POTEF: variants seen among roughly 807,000 people sequenced by gnomAD.
The protein encoded by POTEF is ANKRD26-like family C member 1B.
In POTEF, 20 loss-of-function variants were observed where a neutral mutation model predicts 83.2. The ratio of observed to expected loss-of-function variants is 0.24; its 90% confidence interval spans 0.17 to 0.35. The LOEUF (loss-of-function observed/expected upper bound fraction) is 0.35. POTEF is among the 10% of genes least tolerant of loss of function. POTEF has a pLI of 1.00. For synonymous variants in POTEF, 196 were observed against 446.4 expected (o/e 0.44, Z 7.07); for missense variants, 550 against 1,203.2 (o/e 0.46, Z 8.03).
chr2:130,075,406 T>C lies in POTEF; in HGVS notation c.2066A>G (p.Asn689Ser), dbSNP rs1167123196. Reference protein sequence around the residue: ...DIESVKKRNDNLLKALQLNEL... With the variant: ...DIESVKKRNDSLLKALQLNEL... Reference sequence around the variant, plus strand: ...ATTCAATTGTAGAGCCTTTAAAAGATTATCATTCCTTTTTTTCACACTTTC... The same window carrying C: ...ATTCAATTGTAGAGCCTTTAAAAGACTATCATTCCTTTTTTTCACACTTTC... The change falls in exon 17 of 17, where the codon AAT (asparagine) becomes AGT (serine). Residue 689 changes from asparagine to serine, a missense_variant. Physicochemically the swap from Asn to Ser is conservative, Grantham distance 46. Coordinates refer to ENST00000409914, the MANE Select transcript of POTEF (RefSeq NM_001099771.2). 3 of 1,611,516 alleles carry C rather than the reference T, an allele frequency of 1.9e-6. No homozygotes were observed. The highest frequency in any genetic ancestry group is 3.3e-5 in the Admixed American group (2 of 59,946).
chr2:130,125,952 C>G (rs1685081451), intron 2 of POTEF, among the ~76,000 whole-genome samples: 1 of 151,034 alleles, frequency 6.6e-6, no homozygotes, highest in African/African-American at 2.4e-5. Context: ...TCCTTTTTCT[C>G]TTGCAAAGAG....
intron 3 of POTEF, among the ~76,000 whole-genome samples, chr2:130,119,319 G>A (rs1227986203): frequency 1.3e-5 from 2 of 151,622 alleles, no homozygotes; most frequent in Non-Finnish European, 2.9e-5. Context: ...GTCTACCACC[G>A]CACCCGGCTA....
chr2:130,120,629 A>T (rs1684976222), intron 2 of POTEF, 21 bp from the exon 3 acceptor site: 3 of 1,572,058 alleles, frequency 1.9e-6, no homozygotes, highest in Admixed American at 1.7e-5. Flanking sequence ...AGAAAAGTCA[A>T]TCCCAGCCAA....
chr2:130,122,835 A>C (rs1254303603), intron 2 of POTEF, among the ~76,000 whole-genome samples: 2 of 151,860 alleles, frequency 1.3e-5, no homozygotes, highest in African/African-American at 4.9e-5. Flanking sequence ...TTCAGATAAC[A>C]GTTTGTCATT....
At chr2:130,115,924 A>G (rs1684832767) in intron 3 of POTEF, among the ~76,000 whole-genome samples, 1 of 152,180 alleles carries the variant, frequency 6.6e-6, no homozygotes, top group South Asian at 2.1e-4. Flanking sequence ...CTTACAATTC[A>G]TGATTTACTA....
intron 16 of POTEF, among the ~76,000 whole-genome samples, chr2:130,076,700 T>C (rs1423905076): frequency 2.0e-5 from 3 of 147,714 alleles, no homozygotes; most frequent in Non-Finnish European, 4.5e-5. Context: ...ATACATTTCC[T>C]ACTTTCTTAT....
At chr2:130,128,908 G>T (rs1448085611) in intron 1 of POTEF, among the ~76,000 whole-genome samples, 164 bp downstream of exon 1, 2 of 95,848 alleles carry the variant, frequency 2.1e-5, no homozygotes, top group Admixed American at 1.2e-4. Flanking sequence ...GTGTAGCCCC[G>T]GACAGCCAGC....
intron 5 of POTEF, among the ~76,000 whole-genome samples, chr2:130,113,798 T>C (rs1272218780): frequency 6.6e-6 from 1 of 151,636 alleles, no homozygotes; most frequent in African/African-American, 2.4e-5. Context: ...AGCTGAAAGC[T>C]AGTGCAACAG....
intron 2 of POTEF, among the ~76,000 whole-genome samples, chr2:130,125,840 G>A (rs1685078462): frequency 6.6e-6 from 1 of 150,866 alleles, no homozygotes; most frequent in Non-Finnish European, 1.5e-5. Flanking sequence ...CAGGAGGCAG[G>A]GGTTGCAGTG....
intron 2 of POTEF, among the ~76,000 whole-genome samples, chr2:130,126,973 A>G (rs2104714290): frequency 6.6e-6 from 1 of 152,132 alleles, no homozygotes; most frequent in South Asian, 2.1e-4. Context: ...GACACCTTTT[A>G]TCCCCTCCCC....
intron 15 of POTEF, among the ~76,000 whole-genome samples, 179 bp from the exon 16 acceptor site, chr2:130,077,380 G>C (rs1683846588): frequency 6.6e-6 from 1 of 152,256 alleles, no homozygotes; most frequent in African/African-American, 2.4e-5. Flanking sequence ...ACCAGGGACT[G>C]CTTTTGTGGA....
intron 13 of POTEF, among the ~76,000 whole-genome samples, chr2:130,087,654 C>G (rs2443675): frequency 2.6e-5 from 3 of 114,302 alleles, no homozygotes; most frequent in South Asian, 3.0e-4. Flanking sequence ...TTTTTTTTCA[C>G]ATGGAGTCTC....
At chr2:130,110,116 T>G (rs1185261119) in intron 7 of POTEF, among the ~76,000 whole-genome samples, 1 of 151,514 alleles carries the variant, frequency 6.6e-6, no homozygotes, top group Non-Finnish European at 1.5e-5. Flanking sequence ...CTTCCTTGGA[T>G]TTAGTGAACT....
In POTEF at chr2:130,115,073, A is replaced by G. The variant is rs1476115244; in HGVS notation, c.637-19T>C. ...GTACGGCCTGTCAGTATTAGACCAA[A>G]AACAAATTACAAATCTTAGGAATTC... On this transcript the variant is annotated intron_variant, in intron 4 of 16. Transcript: ENST00000409914. The G allele has an allele frequency of 2.0e-6, 3 of 1,492,076 alleles. No individual in the cohort carries two copies. In the South Asian group the frequency reaches 4.1e-5, roughly 20 times the overall value. 92.4% of individuals were successfully genotyped at this position (1,492,076 alleles called of 1,614,324 possible).
Position 130,075,066 on chromosome 2 carries a change from G to A in POTEF, c.2406C>T (p.Pro802=), listed in dbSNP as rs775448822. ...NELRVAPEEH[P]VLLTEATLNP... ...TCAGGGTGGCCTCGGTCAGCAGGAC[G>A]GGGTGCTCCTCGGGAGCCACACGCA... The change falls in exon 17 of 17, where the codon CCC becomes CCT. Residue 802 remains proline (P), a synonymous_variant. Coordinates refer to ENST00000409914, the MANE Select transcript of POTEF (RefSeq NM_001099771.2). 2.2e-5 allele frequency: 35 copies of A among 1,613,698 alleles called. 1 individual carries two copies. The highest frequency in any genetic ancestry group is 6.7e-5 in the African/African-American group (5 of 74,732).
At chr2:130,117,413 TTAAC>T (rs1019403278) in intron 3 of POTEF, among the ~76,000 whole-genome samples, 7 of 151,818 alleles carry the variant, frequency 4.6e-5, no homozygotes, top group African/African-American at 9.7e-5. Flanking sequence ...CTAATGAACT[TTAAC>T]TAAAACTTCA....
chr2:130,117,331 A>C (rs1230647509), intron 3 of POTEF, among the ~76,000 whole-genome samples: 5 of 151,930 alleles, frequency 3.3e-5, no homozygotes, highest in Non-Finnish European at 2.9e-5. Context: ...AAAAATAAAT[A>C]ATAGAATGTG....
rs1249796969 is a variant in POTEF at position 130,073,676 on chromosome 2, A to C, written c.*568T>G. Among the ~76,000 whole-genome samples the C allele has an allele frequency of 7.3e-5, 11 of 151,262 alleles. No homozygotes were observed. The highest frequency in any genetic ancestry group is 1.6e-4 in the Non-Finnish European group (11 of 67,878). On this transcript the variant is annotated 3_prime_UTR_variant, in exon 17 of 17. Transcript: ENST00000409914. ...TGTTTTAAGGTGTGCACTTTTATCC[A>C]ACTCTCCTCAAGTCAGAGTACAGGT...
At chr2:130,119,352 G>C (rs1274078357) in intron 3 of POTEF, among the ~76,000 whole-genome samples, 1 of 151,748 alleles carries the variant, frequency 6.6e-6, no homozygotes, top group Non-Finnish European at 1.5e-5. Context: ...TTTTTTAGTA[G>C]AGACAGGGTT....
Sources: gnomAD v4.1 joint callset for allele counts (sites outside exome capture counted in the v4.1 genomes callset) on GRCh38, gnomAD v4.1.1 for gene constraint, MANE v1.5 for transcripts, NCBI Gene and HGNC (gene_info 2026-07-23, HGNC 2026-07-21) for gene names.